The following INTS4 variants were observed in gnomAD, a reference collection of about 807,000 sequenced individuals.
INTS4 encodes integrator complex subunit 4.
A neutral mutation model predicts 119.5 loss-of-function variants in INTS4; 70 were observed. The ratio of observed to expected loss-of-function variants is 0.59; its 90% CI spans 0.48 to 0.71. The LOEUF (loss-of-function observed/expected upper bound fraction) is 0.71. Ranked by LOEUF, INTS4 falls within the 30% of genes least tolerant of loss-of-function variation. The pLI is 0.00. For synonymous variants in INTS4, 316 were observed against 419.6 expected, an observed-to-expected ratio of 0.75 and a Z score of 3.02; for missense variants, 867 against 1,173.2, an observed-to-expected ratio of 0.74 and a Z score of 3.81.
intron 8 of INTS4, among the ~76,000 whole-genome samples, chr11:77,949,947 G>C (rs1954147750): frequency 6.6e-6 from 1 of 152,162 alleles, no homozygotes; most frequent in East Asian, 1.9e-4. Flanking sequence ...GTTCACAACA[G>C]TAAAGACTTA....
intron 8 of INTS4, among the ~76,000 whole-genome samples, chr11:77,954,097 C>T (rs1445903766): frequency 6.6e-6 from 1 of 152,124 alleles, no homozygotes; most frequent in African/African-American, 2.4e-5. Flanking sequence ...TAGGCGTGAG[C>T]CACAAAAGTT....
At chr11:77,905,930 ATGT>A (rs1178358512) in intron 16 of INTS4, among the ~76,000 whole-genome samples, 1 of 152,160 alleles carries the variant, frequency 6.6e-6, no homozygotes, top group African/African-American at 2.4e-5. Context: ...GCAAAAATGT[ATGT>A]TGTTATTGTC....
At chr11:77,983,546 A>G (rs920584438) in intron 2 of INTS4, among the ~76,000 whole-genome samples, 5 of 152,262 alleles carry the variant, frequency 3.3e-5, no homozygotes, top group Non-Finnish European at 5.9e-5. Context: ...TCTCCAAAGA[A>G]GATATACAAA....
chr11:77,883,157 C>G (rs1472086873), intron 22 of INTS4, among the ~76,000 whole-genome samples: 5 of 151,688 alleles, frequency 3.3e-5, no homozygotes, highest in Non-Finnish European at 7.4e-5. Context: ...AAAGGCATTC[C>G]CTATCTCTAA....
chr11:77,984,484 A>C (rs1451095434), intron 2 of INTS4, among the ~76,000 whole-genome samples: 1 of 148,568 alleles, frequency 6.7e-6, no homozygotes, highest in Non-Finnish European at 1.5e-5. Flanking sequence ...ACAGAGTGAG[A>C]CTCTGTGTCA....
intron 2 of INTS4, among the ~76,000 whole-genome samples, chr11:77,986,823 A>G (rs1030699852): frequency 4.9e-5 from 6 of 122,758 alleles, no homozygotes; most frequent in Non-Finnish European, 6.6e-5. Context: ...AACATCACAC[A>G]CCGGGGCCTG....
At chr11:77,968,659 C>T (rs968141865) in intron 4 of INTS4, among the ~76,000 whole-genome samples, 31 of 152,148 alleles carry the variant, frequency 2.0e-4, no homozygotes, top group Non-Finnish European at 3.8e-4. Flanking sequence ...TTATGTTAAT[C>T]TGTATTTTAT....
chr11:77,956,968 T>TCA (rs1954343538), intron 7 of INTS4, among the ~76,000 whole-genome samples: 1 of 152,108 alleles, frequency 6.6e-6, no homozygotes, highest in South Asian at 2.1e-4. Flanking sequence ...GGGTCTCACT[T>TCA]CTGTCGCCCA....
At chr11:77,936,627 G>C (rs1021011659) in intron 10 of INTS4, among the ~76,000 whole-genome samples, 5 of 152,166 alleles carry the variant, frequency 3.3e-5, no homozygotes, top group African/African-American at 9.7e-5. Context: ...CAAACTTCTA[G>C]AGACAGAAAC....
chr11:77,886,910 G>A (rs947442011), intron 21 of INTS4, among the ~76,000 whole-genome samples: 5 of 152,088 alleles, frequency 3.3e-5, no homozygotes, highest in African/African-American at 1.2e-4. Flanking sequence ...CGAGAACAAA[G>A]ACACAACATA....
At chr11:77,905,824 T>C (rs1205598610) in intron 16 of INTS4, among the ~76,000 whole-genome samples, 1 of 152,186 alleles carries the variant, frequency 6.6e-6, no homozygotes, top group Non-Finnish European at 1.5e-5. Context: ...CATTTATACC[T>C]TTCCCTTTAT....
At chr11:77,920,159 A>G (rs1414404775) in intron 14 of INTS4, among the ~76,000 whole-genome samples, 1 of 149,622 alleles carries the variant, frequency 6.7e-6, no homozygotes, top group Non-Finnish European at 1.5e-5. Context: ...ATATATATAT[A>G]CACATATATA....
intron 4 of INTS4, among the ~76,000 whole-genome samples, chr11:77,966,473 T>A (rs1855507991): frequency 6.6e-6 from 1 of 152,164 alleles, no homozygotes; most frequent in South Asian, 2.1e-4. Flanking sequence ...TTCAAGTATG[T>A]GTATGACGTA....
chr11:77,956,354 T>C (rs1283829690), intron 7 of INTS4, among the ~76,000 whole-genome samples: 1 of 152,114 alleles, frequency 6.6e-6, no homozygotes, highest in Non-Finnish European at 1.5e-5. Flanking sequence ...AAGGTTGCAG[T>C]GAGCTGAGAT....
At chr11:77,960,453 C>A in intron 5 of INTS4, 62 bp from the exon 6 acceptor site, 1 of 1,208,392 alleles carries the variant, frequency 8.3e-7, no homozygotes, top group Non-Finnish European at 1.2e-6. Flanking sequence ...CCAATGTCTC[C>A]CCACAATCTC....
chr11:77,886,196 C>G (rs1951998343), intron 21 of INTS4, among the ~76,000 whole-genome samples: 1 of 151,860 alleles, frequency 6.6e-6, no homozygotes, highest in Admixed American at 6.6e-5. Context: ...AGACAGAGAC[C>G]TTGTCTCAAA....
intron 8 of INTS4, among the ~76,000 whole-genome samples, chr11:77,941,702 C>T (rs1470516135): frequency 6.6e-6 from 1 of 152,080 alleles, no homozygotes; most frequent in Non-Finnish European, 1.5e-5. Context: ...GACGGGGTTT[C>T]ACCACGTTGG....
intron 4 of INTS4, chr11:77,978,195 T>G (rs962231950): frequency 2.0e-5 from 3 of 152,124 alleles, no homozygotes; most frequent in Non-Finnish European, 4.4e-5. Context: ...CCTGGCCCTA[T>G]TTAAGCTTTT....
chr11:77,876,994 G>A (rs1015397745), downstream of INTS4: 1 of 703,098 alleles, frequency 1.4e-6, no homozygotes. Flanking sequence ...TCAGGGCTGT[G>A]GTACAATTCC....
Sources: gnomAD v4.1 joint callset for allele counts (sites outside exome capture counted in the v4.1 genomes callset) on GRCh38, gnomAD v4.1.1 for gene constraint, MANE v1.5 for transcripts, NCBI Gene and HGNC (gene_info 2026-07-23, HGNC 2026-07-21) for gene names.